Variants in MALRD1 observed in about 807,000 individuals in gnomAD.
The protein encoded by MALRD1 is MAM and LDL receptor class A domain containing 1.
MALRD1 carries 247 observed loss-of-function variants against 242.1 expected under a neutral mutation model. The observed-to-expected ratio is 1.02, with a 90% CI of 0.92 to 1.13. The LOEUF (loss-of-function observed/expected upper bound fraction) is 1.13. MALRD1 is among the 50% of genes most tolerant of loss of function. The pLI is 0.00. For synonymous variants in MALRD1, 995 were observed against 866.6 expected (o/e 1.15, Z -2.60); for missense variants, 2,989 against 2,533.1 (o/e 1.18, Z -3.86).
At chr10:19,464,206 C>A (rs1360879912) in intron 29 of MALRD1, among the ~76,000 whole-genome samples, 1 of 152,134 alleles carries the variant, frequency 6.6e-6, no homozygotes. Context: ...TATGCAGCAG[C>A]TCTTTAATTT....
At chr10:19,399,573 A>C (rs993527992) in intron 28 of MALRD1, among the ~76,000 whole-genome samples, 1 of 152,166 alleles carries the variant, frequency 6.6e-6, no homozygotes, top group African/African-American at 2.4e-5. Context: ...TACCAATTAC[A>C]GATTACAGAG....
chr10:19,251,372 C>T (rs531347700), intron 18 of MALRD1, among the ~76,000 whole-genome samples: 43 of 152,058 alleles, frequency 2.8e-4, no homozygotes, highest in African/African-American at 9.2e-4. Flanking sequence ...ACCTCTCTTT[C>T]TCTGGAGGGG....
rs140433988 is a variant in MALRD1 at position 19,504,465 on chromosome 10, T to C, written c.5320+5819T>C. Reference sequence around the variant, plus strand: ...CTACTAATTCATTTGCTTGAGAAGGTTGGACAGGGATATGGGGTTAGATAT... The same window carrying C: ...CTACTAATTCATTTGCTTGAGAAGGCTGGACAGGGATATGGGGTTAGATAT... On this transcript the variant is annotated intron_variant, in intron 31 of 39. Coordinates refer to ENST00000454679, the MANE Select transcript of MALRD1 (RefSeq NM_001142308.3). Among the ~76,000 whole-genome samples the C allele has an allele frequency of 3.9e-4, 59 of 152,112 alleles. 1 individual carries two copies. In the East Asian group the frequency reaches 7.6e-3, roughly 20 times the overall value.
At chr10:19,266,895 A>G (rs1039030709) in intron 19 of MALRD1, among the ~76,000 whole-genome samples, 4 of 152,036 alleles carry the variant, frequency 2.6e-5, no homozygotes, top group African/African-American at 9.7e-5. Context: ...ATGATTCCTT[A>G]TATCTTGAAT....
chr10:19,654,197 C>T (rs1338493503), intron 36 of MALRD1, among the ~76,000 whole-genome samples: 1 of 151,768 alleles, frequency 6.6e-6, no homozygotes, highest in African/African-American at 2.4e-5. Context: ...CATCCCCTAG[C>T]ATCCTCCATC....
chr10:19,598,869 G>A (rs1483355743), intron 34 of MALRD1, among the ~76,000 whole-genome samples: 5 of 152,046 alleles, frequency 3.3e-5, no homozygotes, highest in South Asian at 4.1e-4. Context: ...TAGACATAGC[G>A]GGGTCACAAG....
At chr10:19,556,186 A>G (rs545808423) in intron 32 of MALRD1, among the ~76,000 whole-genome samples, 2 of 152,282 alleles carry the variant, frequency 1.3e-5, no homozygotes, top group Admixed American at 1.3e-4. Context: ...TTCGTATAAT[A>G]TAATCCCTCT....
intron 4 of MALRD1, among the ~76,000 whole-genome samples, chr10:19,099,599 A>G (rs1836174405): frequency 6.6e-6 from 1 of 151,868 alleles, no homozygotes; most frequent in Non-Finnish European, 1.5e-5. Context: ...ATGTATATAT[A>G]TTATTCTCCA....
intron 32 of MALRD1, among the ~76,000 whole-genome samples, chr10:19,554,425 G>T (rs906903039): frequency 1.1e-4 from 17 of 151,978 alleles, no homozygotes; most frequent in African/African-American, 3.9e-4. Context: ...ACATGCGCAG[G>T]ATGTGCAGCT....
chr10:19,401,119 C>G (rs1167191633), intron 28 of MALRD1, among the ~76,000 whole-genome samples: 1 of 151,986 alleles, frequency 6.6e-6, no homozygotes, highest in African/African-American at 2.4e-5. Flanking sequence ...TTGAGTGGCC[C>G]CTGAATTCAC....
At chr10:19,427,092 T>C (rs1833932234) in intron 28 of MALRD1, among the ~76,000 whole-genome samples, 1 of 152,312 alleles carries the variant, frequency 6.6e-6, no homozygotes, top group East Asian at 1.9e-4. Context: ...TCGCTTAGTT[T>C]TATATTTTAT....
At chr10:19,493,646 A>C (rs1233123474) in intron 30 of MALRD1, among the ~76,000 whole-genome samples, 1 of 89,846 alleles carries the variant, frequency 1.1e-5, no homozygotes, top group African/African-American at 1.4e-4. Flanking sequence ...CGTCTCTACT[A>C]AAAAAAAAAA....
intron 36 of MALRD1, among the ~76,000 whole-genome samples, chr10:19,618,989 T>C (rs368543808): frequency 4.6e-5 from 7 of 152,050 alleles, no homozygotes; most frequent in Non-Finnish European, 7.4e-5. Flanking sequence ...ATAAAATCTG[T>C]AGACTTCGAA....
chr10:19,413,219 G>A (rs1009084093), intron 28 of MALRD1, among the ~76,000 whole-genome samples: 3 of 151,980 alleles, frequency 2.0e-5, no homozygotes, highest in Non-Finnish European at 2.9e-5. Flanking sequence ...CCTTGATAAC[G>A]AAAAACTACT....
intron 2 of MALRD1, 29 bp downstream of exon 2, chr10:19,066,888 T>G: frequency 8.1e-7 from 1 of 1,231,100 alleles, no homozygotes; most frequent in South Asian, 4.1e-5. Context: ...TTTTCTCCCC[T>G]CTCTCCCTTC....
intron 14 of MALRD1, among the ~76,000 whole-genome samples, chr10:19,203,308 A>C (rs866287110): frequency 2.6e-5 from 4 of 152,136 alleles, no homozygotes; most frequent in Admixed American, 2.6e-4. Context: ...GATTCTTCAC[A>C]TATTAAATTG....
chr10:19,129,356 A>G (rs181587951), intron 8 of MALRD1, among the ~76,000 whole-genome samples: 3 of 152,156 alleles, frequency 2.0e-5, no homozygotes, highest in South Asian at 2.1e-4. Context: ...TTGAACAACC[A>G]TATGGAAGAG....
rs572603375 is a variant in MALRD1, at chr10:19,094,257, A to C, written c.597+6072A>C. Among the ~76,000 whole-genome samples, 8 of 99,462 alleles carry C rather than the reference A, an allele frequency of 8.0e-5. 1 individual carries two copies. In the East Asian group the frequency reaches 2.3e-3, roughly 29 times the overall value. 65.3% of individuals were successfully genotyped at this position (99,462 alleles called of 152,430 possible). A position where few individuals can be genotyped will look rare whatever the true frequency, so the allele number is the denominator to read the frequency against. ...GCAATCAGCGAGATTCCGTGGGCAT[A>C]GGACCCTCTGAGCCAGGTGTGGGAT... On this transcript the variant is annotated intron_variant, in intron 4 of 39. Coordinates refer to ENST00000454679, the MANE Select transcript of MALRD1 (RefSeq NM_001142308.3).
intron 18 of MALRD1, among the ~76,000 whole-genome samples, chr10:19,237,904 T>A (rs1289956423): frequency 2.1e-4 from 21 of 101,546 alleles, no homozygotes; most frequent in East Asian, 3.4e-4. Flanking sequence ...ATAAATAATT[T>A]TATATAGTTA....
Sources: gnomAD v4.1 joint callset for allele counts (sites outside exome capture counted in the v4.1 genomes callset) on GRCh38, gnomAD v4.1.1 for gene constraint, MANE v1.5 for transcripts, NCBI Gene and HGNC (gene_info 2026-07-23, HGNC 2026-07-21) for gene names.